Variants in GPC4 observed in about 807,000 individuals in gnomAD.
GPC4 encodes glypican 4.
A neutral mutation model predicts 35.0 loss-of-function variants in GPC4; 10 were observed. The ratio of observed to expected loss-of-function variants is 0.29; its 90% CI spans 0.18 to 0.48. The LOEUF is 0.48. GPC4 is among the 20% of genes least tolerant of loss of function. The pLI is 0.99. For synonymous variants in GPC4, 167 were observed against 170.2 expected, an observed-to-expected ratio of 0.98 and a Z score of 0.15; for missense variants, 322 against 451.3, an observed-to-expected ratio of 0.71 and a Z score of 2.60.
chrX:133,314,019 G>C (rs765436941), intron 3 of GPC4, among the ~76,000 whole-genome samples: 1 of 112,042 alleles, frequency 8.9e-6, no homozygotes, highest in Non-Finnish European at 1.9e-5. Flanking sequence ...CAATGCCCTC[G>C]TAAGAAGAAA....
At chrX:133,351,284 T>C (rs1365348623) in intron 1 of GPC4, among the ~76,000 whole-genome samples, 4 of 111,175 alleles carry the variant, frequency 3.6e-5, no homozygotes, top group Non-Finnish European at 5.7e-5. Flanking sequence ...AAGTCAATCA[T>C]AATATTTGAC....
intron 1 of GPC4, among the ~76,000 whole-genome samples, chrX:133,407,089 T>C (rs1385855262): frequency 1.0e-5 from 1 of 97,280 alleles, no homozygotes; most frequent in African/African-American, 4.1e-5. Flanking sequence ...AAAAAAAAAA[T>C]ACACACACAC....
At chrX:133,306,228 T>C (rs917317887) in intron 4 of GPC4, 74 bp from the exon 5 acceptor site, 3 of 1,105,469 alleles carry the variant, frequency 2.7e-6, no homozygotes, top group Non-Finnish European at 3.7e-6. Context: ...TAAATCAATC[T>C]GATTTTTTTT....
chrX:133,335,709 G>C (rs994267694), intron 2 of GPC4, among the ~76,000 whole-genome samples: 19 of 112,214 alleles, frequency 1.7e-4, no homozygotes, highest in African/African-American at 6.2e-4. Context: ...GATGATTTCT[G>C]GTAACAGAAG....
chrX:133,311,709 C>T (rs773336760), intron 3 of GPC4, among the ~76,000 whole-genome samples: 2 of 110,571 alleles, frequency 1.8e-5, no homozygotes, highest in African/African-American at 6.6e-5. Flanking sequence ...GTCTCTCTCT[C>T]ACACACACAT....
chrX:133,390,316 G>A (rs2068713740), intron 1 of GPC4, among the ~76,000 whole-genome samples: 1 of 111,697 alleles, frequency 9.0e-6, no homozygotes, highest in Non-Finnish European at 1.9e-5. Flanking sequence ...ATTAACTAAT[G>A]TCTAGCCTAA....
At chrX:133,398,765 C>T (rs1403242600) in intron 1 of GPC4, among the ~76,000 whole-genome samples, 1 of 103,064 alleles carries the variant, frequency 9.7e-6, no homozygotes, top group Non-Finnish European at 2.0e-5. Flanking sequence ...GAGACTCTGT[C>T]TCAGAGAAAA....
chrX:133,350,259 A>G (rs898405068), intron 1 of GPC4, among the ~76,000 whole-genome samples: 2 of 111,864 alleles, frequency 1.8e-5, no homozygotes, highest in African/African-American at 3.3e-5. Flanking sequence ...ACAGTGGCTC[A>G]TGCCTGTAAT....
At chrX:133,345,168 T>G (rs1177030152) in intron 1 of GPC4, among the ~76,000 whole-genome samples, 1 of 112,031 alleles carries the variant, frequency 8.9e-6, no homozygotes, top group East Asian at 2.8e-4. Context: ...AAGTTTTATC[T>G]AGAAGTCAGG....
chrX:133,396,333 G>T (rs1023132668), intron 1 of GPC4, among the ~76,000 whole-genome samples: 2 of 111,312 alleles, frequency 1.8e-5, no homozygotes, highest in South Asian at 7.6e-4. Context: ...TTCAGAAAAC[G>T]ACTTAATACT....
At chrX:133,378,039 T>C (rs2068643356) in intron 1 of GPC4, among the ~76,000 whole-genome samples, 1 of 107,934 alleles carries the variant, frequency 9.3e-6, no homozygotes, top group African/African-American at 3.4e-5. Flanking sequence ...GGACTACAGG[T>C]GTGCACCACC....
chrX:133,354,121 A>T (rs1032842018), intron 1 of GPC4, among the ~76,000 whole-genome samples: 1 of 112,211 alleles, frequency 8.9e-6, no homozygotes, highest in Non-Finnish European at 1.9e-5. Context: ...ACTTATTTTT[A>T]GCCCCTCTCC....
At chrX:133,411,113 A>T (rs1332094396) in intron 1 of GPC4, among the ~76,000 whole-genome samples, 2 of 112,609 alleles carry the variant, frequency 1.8e-5, no homozygotes, top group Admixed American at 9.4e-5. Flanking sequence ...TTTTCCACGT[A>T]GTCATAACAG....
At chrX:133,315,456 C>T (rs765896417) in intron 3 of GPC4, among the ~76,000 whole-genome samples, 12 of 110,417 alleles carry the variant, frequency 1.1e-4, no homozygotes, top group East Asian at 2.9e-4. Flanking sequence ...AAATCTCTCA[C>T]CCTTAAGCAA....
chrX:133,327,211 T>C (rs183553823), intron 2 of GPC4, among the ~76,000 whole-genome samples: 3 of 112,214 alleles, frequency 2.7e-5, no homozygotes, highest in African/African-American at 9.7e-5. Context: ...TCAGAATTAT[T>C]TGAGTTGTGC....
intron 1 of GPC4, among the ~76,000 whole-genome samples, chrX:133,347,171 G>A (rs2068494938): frequency 9.5e-6 from 1 of 105,610 alleles, no homozygotes; most frequent in South Asian, 4.4e-4. Flanking sequence ...TTAATAACGG[G>A]ATACTGGGGG....
In GPC4 at chrX:133,324,373, T is replaced by C. The variant is rs762488166; in HGVS notation, c.483A>G (p.Leu161=). 10 of 1,209,781 alleles carry C rather than the reference T, an allele frequency of 8.3e-6. No homozygotes were observed. In the South Asian group the frequency reaches 1.6e-4, roughly 19 times the overall value. The change falls in exon 3 of 9, where the codon CTA becomes CTG. Residue 161 remains leucine, a synonymous_variant. Coordinates refer to ENST00000370828, the MANE Select transcript of GPC4 (RefSeq NM_001448.3). ...VVGNVNLEEM[L]NDFWARLLER... is the part of the protein sequence containing the mutation. Reference sequence around the variant, plus strand: ...CCAGGAGGCGAGCCCAGAAGTCATTTAGCATTTCTTCCAGGTTCACATTTC... The same window carrying C: ...CCAGGAGGCGAGCCCAGAAGTCATTCAGCATTTCTTCCAGGTTCACATTTC...
At chrX:133,376,697 G>A (rs919966430) in intron 1 of GPC4, among the ~76,000 whole-genome samples, 10 of 111,908 alleles carry the variant, frequency 8.9e-5, no homozygotes, top group African/African-American at 3.3e-4. Flanking sequence ...CTATACACAC[G>A]GGGTCGACAG....
chrX:133,308,188 T>C (rs2068299371), intron 4 of GPC4, among the ~76,000 whole-genome samples: 1 of 111,679 alleles, frequency 9.0e-6, no homozygotes, highest in African/African-American at 3.3e-5. Flanking sequence ...AAGCCAAAGA[T>C]GATTGGTTTG....
Sources: allele counts gnomAD v4.1 joint callset (sites outside exome capture counted in the v4.1 genomes callset), GRCh38; gene constraint gnomAD v4.1.1; transcripts MANE v1.5; gene names NCBI Gene and HGNC (gene_info 2026-07-23, HGNC 2026-07-21).